Variants in SORCS3 observed in about 807,000 individuals in gnomAD.
SORCS3 encodes the protein VPS10 domain-containing receptor SorCS3.
SORCS3 carries 57 observed loss-of-function variants against 146.3 expected under a neutral mutation model. That is an observed-to-expected ratio of 0.39 (90% CI 0.31 to 0.49). The LOEUF (loss-of-function observed/expected upper bound fraction) is 0.49, where lower values mean the gene tolerates loss of function less well. Among genes scored for constraint, SORCS3 ranks in the 20% least tolerant of loss-of-function variants. The pLI, the probability that SORCS3 is intolerant of heterozygous loss-of-function variation, is 0.92. For missense variants in SORCS3, 1,341 were observed against 1,575.5 expected (o/e 0.85, Z 2.52); for synonymous variants, 653 against 618.5 (o/e 1.06, Z -0.83).
chr10:104,823,292 A>G (rs552232780), intron 1 of SORCS3, among the ~76,000 whole-genome samples: 3 of 152,312 alleles, frequency 2.0e-5, no homozygotes, highest in Non-Finnish European at 4.4e-5. Flanking sequence ...AGGCCATGGG[A>G]ACACTTAGAT....
chr10:104,782,653 G>A (rs2017388787), intron 1 of SORCS3, among the ~76,000 whole-genome samples: 1 of 152,190 alleles, frequency 6.6e-6, no homozygotes, highest in African/African-American at 2.4e-5. Flanking sequence ...TGGCCAACAT[G>A]TGGTGAGATA....
intron 20 of SORCS3, among the ~76,000 whole-genome samples, chr10:105,231,303 C>G (rs908620959): frequency 3.3e-4 from 50 of 152,168 alleles, no homozygotes; most frequent in Non-Finnish European, 6.2e-4. Context: ...GTTTTTAATT[C>G]AAATCACACT....
intron 25 of SORCS3, among the ~76,000 whole-genome samples, chr10:105,261,782 A>G (rs1260285024): frequency 6.6e-6 from 1 of 152,226 alleles, no homozygotes; most frequent in Non-Finnish European, 1.5e-5. Context: ...AAATCCAAAA[A>G]GAAACTATTG....
At chr10:105,095,495 C>T (rs56131831) in intron 6 of SORCS3, among the ~76,000 whole-genome samples, 16,092 of 151,892 alleles carry the variant, frequency 0.11, 965 homozygotes, top group East Asian at 0.17. Context: ...TTGATGACAC[C>T]GGACTTGCCA....
chr10:104,822,232 A>G, intron 1 of SORCS3: 2 of 378,270 alleles, frequency 5.3e-6, no homozygotes, highest in Admixed American at 6.6e-5. Flanking sequence ...TCATGGAGGG[A>G]GATTGTTTAG....
chr10:105,102,123 T>C (rs2055789165), intron 6 of SORCS3, among the ~76,000 whole-genome samples: 1 of 152,194 alleles, frequency 6.6e-6, no homozygotes, highest in South Asian at 2.1e-4. Flanking sequence ...AAGCTGTTGC[T>C]ACAGGGTCAG....
At chr10:104,965,981 T>G (rs893469071) in intron 3 of SORCS3, among the ~76,000 whole-genome samples, 2 of 152,140 alleles carry the variant, frequency 1.3e-5, no homozygotes, top group South Asian at 2.1e-4. Flanking sequence ...TAAGCATACA[T>G]GCATATTGGT....
intron 1 of SORCS3, among the ~76,000 whole-genome samples, chr10:104,825,721 TC>T (rs556095224): frequency 4.8e-4 from 73 of 152,306 alleles, no homozygotes; most frequent in African/African-American, 1.7e-3. Flanking sequence ...AATTGTGTGG[TC>T]ATTTAGCCCC....
intron 14 of SORCS3, among the ~76,000 whole-genome samples, chr10:105,179,472 T>C (rs906006976): frequency 3.7e-4 from 56 of 152,328 alleles, no homozygotes; most frequent in African/African-American, 1.2e-3. Context: ...TCTGTGCCTG[T>C]TTTATTTTCT....
At chr10:104,792,813 T>C (rs1002986535) in intron 1 of SORCS3, among the ~76,000 whole-genome samples, 5 of 152,106 alleles carry the variant, frequency 3.3e-5, no homozygotes, top group African/African-American at 4.8e-5. Flanking sequence ...ACATTCTTCC[T>C]CCCCAGGAAG....
intron 5 of SORCS3, among the ~76,000 whole-genome samples, chr10:105,083,894 C>T (rs974752127): frequency 3.3e-5 from 5 of 152,174 alleles, no homozygotes; most frequent in East Asian, 3.9e-4. Flanking sequence ...ATGATTCTTA[C>T]TCTAGGAGAG....
At chr10:104,703,196 G>T (rs1273031891) in intron 1 of SORCS3, among the ~76,000 whole-genome samples, 1 of 152,172 alleles carries the variant, frequency 6.6e-6, no homozygotes, top group African/African-American at 2.4e-5. Flanking sequence ...AAATGATTCG[G>T]GTTGAGGGCC....
At chr10:104,789,598 T>G (rs1308962944) in intron 1 of SORCS3, among the ~76,000 whole-genome samples, 1 of 152,166 alleles carries the variant, frequency 6.6e-6, no homozygotes. Flanking sequence ...AGGATGTAGT[T>G]CTCTGACAGG....
intron 20 of SORCS3, among the ~76,000 whole-genome samples, chr10:105,224,663 A>C (rs1027153297): frequency 1.3e-5 from 2 of 152,148 alleles, no homozygotes; most frequent in African/African-American, 4.8e-5. Flanking sequence ...AAACCACTAA[A>C]CTGTCTTCCA....
At chr10:104,681,254 G>C (rs983626824) in intron 1 of SORCS3, among the ~76,000 whole-genome samples, 1 of 152,180 alleles carries the variant, frequency 6.6e-6, no homozygotes, top group Non-Finnish European at 1.5e-5. Flanking sequence ...AGAGATGAGA[G>C]AGAGCTGGAG....
intron 9 of SORCS3, among the ~76,000 whole-genome samples, chr10:105,156,269 T>C (rs573368663): frequency 1.3e-3 from 197 of 152,340 alleles, no homozygotes; most frequent in African/African-American, 4.6e-3. Flanking sequence ...GAAAAAGAGT[T>C]AAGGGAATCT....
chr10:104,863,074 C>T (rs572569461), intron 2 of SORCS3, among the ~76,000 whole-genome samples: 163 of 152,190 alleles, frequency 1.1e-3, no homozygotes, highest in Non-Finnish European at 1.5e-3. Context: ...TTTTGCAGAG[C>T]GGGAAGCTGA....
At chr10:104,819,792 G>A (rs1309486489) in intron 1 of SORCS3, among the ~76,000 whole-genome samples, 1 of 152,204 alleles carries the variant, frequency 6.6e-6, no homozygotes, top group Non-Finnish European at 1.5e-5. Flanking sequence ...GAAGTTGAGG[G>A]CTGGAGAGTA....
chr10:105,264,736 C>A lies in SORCS3; in HGVS notation c.*1362C>A, dbSNP rs1384772473. The A allele has an allele frequency of 6.6e-6, 1 of 152,658 alleles. No homozygotes were observed. Among genetic ancestry groups the A allele is most frequent in the Admixed American group, 6.5e-5 (1 of 15,278 alleles). 9.5% of individuals were successfully genotyped at this position (152,658 alleles called of 1,614,324 possible). A position where few individuals can be genotyped will look rare whatever the true frequency, so the allele number is the denominator to read the frequency against. On this transcript the variant is annotated 3_prime_UTR_variant, in exon 27 of 27. Transcript: ENST00000369701. ...CCTCTGGGGTGAGTGGCTTTCAAAGCCTTTTAGCTTTTCCAGCACCTCAGC... is the reference window on the plus strand; with the variant it reads ...CCTCTGGGGTGAGTGGCTTTCAAAGACTTTTAGCTTTTCCAGCACCTCAGC...
Sources: allele counts gnomAD v4.1 joint callset (sites outside exome capture counted in the v4.1 genomes callset), GRCh38; gene constraint gnomAD v4.1.1; transcripts MANE v1.5; gene names NCBI Gene and HGNC (gene_info 2026-07-23, HGNC 2026-07-21).